Variants in KIAA0825 observed in about 807,000 individuals in gnomAD.
KIAA0825 encodes the protein uncharacterized protein KIAA0825.
Under a neutral mutation model 147.6 loss-of-function variants are expected in KIAA0825, and 119 were observed. The observed-to-expected ratio is 0.81, with a 90% CI of 0.69 to 0.94. The LOEUF (loss-of-function observed/expected upper bound fraction) is 0.94. KIAA0825 is among the 40% of genes least tolerant of loss of function. The pLI is 0.00. For synonymous variants in KIAA0825, 470 were observed against 518.1 expected (o/e 0.91, Z 1.26); for missense variants, 1,381 against 1,472.7 (o/e 0.94, Z 1.02).
intron 18 of KIAA0825, among the ~76,000 whole-genome samples, chr5:94,387,923 C>G (rs1749380103): frequency 6.6e-6 from 1 of 152,062 alleles, no homozygotes; most frequent in Non-Finnish European, 1.5e-5. Flanking sequence ...TCATGAGAGG[C>G]AAATTTTATA....
In KIAA0825 at chr5:94,477,158, C is replaced by T. The variant is rs1376126348; in HGVS notation, c.1180G>A (p.Ala394Thr). ...TCGGAAGGAATATTGGTTTCGTTTG[C>T]TCTAGGTTTTTCCATTACAACCTCT... ...DREVVMEKPR[A>T]NETNIPSEQS... Residue 394 changes from alanine to threonine, a missense_variant, in exon 7 of 21, where the codon GCA becomes ACA. Coordinates refer to ENST00000682413, the MANE Select transcript of KIAA0825 (RefSeq NM_001145678.3). 2.6e-6 allele frequency: 4 copies of T among 1,550,244 alleles called. No homozygotes were observed. The highest frequency in any genetic ancestry group is 2.4e-5 in the South Asian group (2 of 83,962).
At chr5:94,390,591 GGAAT>G (rs1749763166) in intron 18 of KIAA0825, among the ~76,000 whole-genome samples, 1 of 152,116 alleles carries the variant, frequency 6.6e-6, no homozygotes, top group Admixed American at 6.5e-5. Context: ...AGGCTATCAT[GGAAT>G]ACATTGTTAT....
chr5:94,563,613 AG>A (rs1244780024), intron 2 of KIAA0825, among the ~76,000 whole-genome samples: 1 of 152,258 alleles, frequency 6.6e-6, no homozygotes, highest in African/African-American at 2.4e-5. Context: ...GTATCTTTGA[AG>A]TTTAATTTAT....
At chr5:94,491,032 T>C (rs1763673541) in intron 5 of KIAA0825, among the ~76,000 whole-genome samples, 1 of 152,046 alleles carries the variant, frequency 6.6e-6, no homozygotes, top group African/African-American at 2.4e-5. Context: ...TTATTAATAA[T>C]AGTGGTAAGA....
At chr5:94,440,745 C>G (rs10476610) in intron 13 of KIAA0825, among the ~76,000 whole-genome samples, 1 of 151,940 alleles carries the variant, frequency 6.6e-6, no homozygotes, top group Non-Finnish European at 1.5e-5. Flanking sequence ...GAAAAATTAT[C>G]AGTGTTGAAC....
At chr5:94,211,317 G>A (rs1190390232) in intron 20 of KIAA0825, among the ~76,000 whole-genome samples, 1 of 152,140 alleles carries the variant, frequency 6.6e-6, no homozygotes, top group Non-Finnish European at 1.5e-5. Context: ...ATGCATGGAA[G>A]TTTCTCCACA....
At chr5:94,445,490 A>T (rs1757611748) in intron 13 of KIAA0825, among the ~76,000 whole-genome samples, 1 of 152,156 alleles carries the variant, frequency 6.6e-6, no homozygotes, top group African/African-American at 2.4e-5. Context: ...CTTCAAGAAG[A>T]TTAATAAGAT....
chr5:94,368,315 G>A (rs1271238476), intron 20 of KIAA0825, among the ~76,000 whole-genome samples: 2 of 152,108 alleles, frequency 1.3e-5, no homozygotes, highest in Non-Finnish European at 2.9e-5. Context: ...TGGAACCACA[G>A]GTGTGCACCA....
At chr5:94,189,479 T>C (rs1770464707) in intron 20 of KIAA0825, among the ~76,000 whole-genome samples, 1 of 152,174 alleles carries the variant, frequency 6.6e-6, no homozygotes, top group African/African-American at 2.4e-5. Context: ...AGCTCATATG[T>C]TTCCTTATGT....
At chr5:94,417,513 A>G in intron 14 of KIAA0825, 148 bp from the exon 15 acceptor site, 1 of 605,390 alleles carries the variant, frequency 1.7e-6, no homozygotes, top group South Asian at 3.2e-5. Context: ...AGATTATTTC[A>G]AAACAATGGT....
At chr5:94,515,447 A>G (rs1767068087) in intron 5 of KIAA0825, among the ~76,000 whole-genome samples, 1 of 152,220 alleles carries the variant, frequency 6.6e-6, no homozygotes, top group Non-Finnish European at 1.5e-5. Flanking sequence ...TATAAGCTAA[A>G]TGAAAAAAAT....
At chr5:94,189,164 C>T (rs986121988) in intron 20 of KIAA0825, among the ~76,000 whole-genome samples, 8 of 152,078 alleles carry the variant, frequency 5.3e-5, no homozygotes, top group African/African-American at 1.7e-4. Flanking sequence ...ATGTTGGATT[C>T]GAGCCTTTTG....
chr5:94,578,173 T>A (rs1025672627), intron 2 of KIAA0825, among the ~76,000 whole-genome samples: 1 of 152,236 alleles, frequency 6.6e-6, no homozygotes, highest in African/African-American at 2.4e-5. Flanking sequence ...GAGATGTGAA[T>A]CTATTCAATT....
rs150070223 is a variant in KIAA0825, at chr5:94,164,518, T to C, written c.3711-10394A>G. ...CCTCTGCCTCCCAGGTTCAAGTGAT[T>C]CTCCTGCCTTAGTTTCCTGAGTAGC... On this transcript the variant is annotated intron_variant, in intron 20 of 20. Transcript: ENST00000682413. 7.7e-3 allele frequency among the ~76,000 whole-genome samples: 1,177 copies of C among 152,044 alleles called. 25 individuals are homozygous for C. The highest frequency in any genetic ancestry group is 6.1e-3 in the Non-Finnish European group (418 of 67,980).
intron 2 of KIAA0825, among the ~76,000 whole-genome samples, chr5:94,545,923 C>T (rs954322836): frequency 7.2e-5 from 11 of 152,134 alleles, no homozygotes; most frequent in African/African-American, 1.4e-4. Flanking sequence ...GTCCCCAAGT[C>T]GAGGCCTAGG....
At chr5:94,238,385 T>G (rs892486342) in intron 20 of KIAA0825, among the ~76,000 whole-genome samples, 3 of 152,226 alleles carry the variant, frequency 2.0e-5, no homozygotes, top group African/African-American at 7.2e-5. Flanking sequence ...CTCTCAGTTT[T>G]ATACATCTGA....
chr5:94,559,036 G>A (rs987099625), intron 2 of KIAA0825, among the ~76,000 whole-genome samples: 1 of 152,118 alleles, frequency 6.6e-6, no homozygotes, highest in Non-Finnish European at 1.5e-5. Context: ...ACGCTCCCAT[G>A]TCATGTAAAA....
At position 94,296,588 on chromosome 5, in the gene KIAA0825, T is replaced by C. The variant is rs182742341; in HGVS notation, c.3710+87780A>G. ...GGTTGCAAAGATGATGGGAAAAGCA[T>C]AGTATCTGGGCCGGAGTGCACCGTT... On this transcript the variant is annotated intron_variant, in intron 20 of 20. Coordinates refer to ENST00000682413, the MANE Select transcript of KIAA0825 (RefSeq NM_001145678.3). Among the ~76,000 whole-genome samples the C allele has an allele frequency of 1.5e-4, 23 of 152,258 alleles. No homozygotes were observed. The Middle Eastern group carries it at 0.014, about 90-fold the overall frequency.
intron 5 of KIAA0825, among the ~76,000 whole-genome samples, chr5:94,515,877 T>A (rs1767157157): frequency 6.6e-6 from 1 of 152,106 alleles, no homozygotes; most frequent in African/African-American, 2.4e-5. Flanking sequence ...TAAATCACTC[T>A]GAAAACTTTG....
Sources: gnomAD v4.1 joint callset for allele counts (sites outside exome capture counted in the v4.1 genomes callset) on GRCh38, gnomAD v4.1.1 for gene constraint, MANE v1.5 for transcripts, NCBI Gene and HGNC (gene_info 2026-07-23, HGNC 2026-07-21) for gene names.